The following PACS1 variants were observed in gnomAD, a reference collection of about 807,000 sequenced individuals.
PACS1 encodes the protein PACS-1.
PACS1 carries 24 observed loss-of-function variants against 115.0 expected under a neutral mutation model. That is an observed-to-expected ratio of 0.21 (90% CI 0.15 to 0.29). PACS1 has a LOEUF of 0.29. Among genes scored for constraint, PACS1 ranks in the 10% least tolerant of loss-of-function variants. The probability of loss-of-function intolerance (pLI) is 1.00; values close to 1 mark genes in which losing one functional copy is unlikely to be tolerated. For synonymous variants in PACS1, 453 were observed against 504.5 expected (o/e 0.90, Z 1.37); for missense variants, 838 against 1,251.2 (o/e 0.67, Z 4.98).
chr11:66,163,400 C>T (rs72936614), intron 1 of PACS1, among the ~76,000 whole-genome samples: 6,657 of 151,580 alleles, frequency 0.044, 205 homozygotes, highest in Non-Finnish European at 0.063. Context: ...CTGATGCTGT[C>T]CTATCCCAGT....
At chr11:66,105,997 A>T (rs1179827423) in intron 1 of PACS1, among the ~76,000 whole-genome samples, 1 of 152,212 alleles carries the variant, frequency 6.6e-6, no homozygotes, top group Non-Finnish European at 1.5e-5. Context: ...GGTTTTCTCA[A>T]AGCGTCATTC....
rs1332771674 is a variant in PACS1, at chr11:66,156,273, CAG to C, written c.357-37210_357-37209del. On this transcript the variant is annotated intron_variant, in intron 1 of 23. Coordinates refer to ENST00000320580, the MANE Select transcript of PACS1 (RefSeq NM_018026.4). ...ATATATAGTTTTTTTTTTTTTAAGA[CAG>C]AGTCTTGCTCTGTCCCCCAGGCTGG... 9.6e-5 allele frequency among the ~76,000 whole-genome samples: 12 copies of C among 125,294 alleles called. No individual in the cohort carries two copies. The East Asian group carries it at 2.8e-3, about 29-fold the overall frequency. The allele number at this position is 125,294 out of a possible 152,430, so 82.2% of individuals were successfully genotyped here.
rs746002879 is a variant in PACS1, at chr11:66,219,785, C to T, written c.1018C>T (p.Arg340Trp). 1.9e-5 allele frequency: 30 copies of T among 1,613,394 alleles called. No homozygotes were observed. Among genetic ancestry groups the T allele is most frequent in the Non-Finnish European group, 2.4e-5 (28 of 1,179,484 alleles). Residue 340 changes from arginine to tryptophan, a missense_variant, in exon 8 of 24, where the codon CGG (arginine) becomes TGG (tryptophan). Arg to Trp is a moderately radical substitution (Grantham distance 101, BLOSUM62 -3). Around this residue, in one of 6 missense-constraint regions of PACS1, gnomAD observed 223 missense variants for 354.0 expected, o/e 0.63. Transcript: ENST00000320580. The stretch of plus-strand genomic sequence containing the variant: ...ACAGAAGTTTGTGGCCCTCCTGAAG[C>T]GGTTTAAAGTTTCAGATGAGGTATG... Reference protein sequence around the residue: ...IKQKFVALLKRFKVSDEVGFG... With the variant: ...IKQKFVALLKWFKVSDEVGFG...
intron 1 of PACS1, among the ~76,000 whole-genome samples, chr11:66,187,874 G>A (rs1320309869): frequency 6.6e-6 from 1 of 152,118 alleles, no homozygotes; most frequent in Non-Finnish European, 1.5e-5. Flanking sequence ...GTTTTTTGAA[G>A]GAACCTCCAT....
intron 1 of PACS1, among the ~76,000 whole-genome samples, chr11:66,072,994 T>C (rs1178349691): frequency 6.6e-6 from 1 of 152,222 alleles, no homozygotes; most frequent in Non-Finnish European, 1.5e-5. Context: ...CCTGATCAAA[T>C]GTATAATTAT....
intron 1 of PACS1, among the ~76,000 whole-genome samples, chr11:66,120,597 G>A (rs953890860): frequency 1.3e-5 from 2 of 152,150 alleles, no homozygotes; most frequent in African/African-American, 4.8e-5. Context: ...GTGGTTAAGG[G>A]CATACGCTTT....
intron 1 of PACS1, among the ~76,000 whole-genome samples, chr11:66,187,676 T>C (rs1854415219): frequency 6.6e-6 from 1 of 152,216 alleles, no homozygotes; most frequent in African/African-American, 2.4e-5. Context: ...CCATGGTATG[T>C]GCACACCACA....
At chr11:66,155,480 G>C (rs1232699202) in intron 1 of PACS1, among the ~76,000 whole-genome samples, 1 of 152,088 alleles carries the variant, frequency 6.6e-6, no homozygotes, top group Non-Finnish European at 1.5e-5. Flanking sequence ...GTGGCCAGGA[G>C]CTACATAAAA....
rs1311745791 is a variant in PACS1 at position 66,232,947 on chromosome 11, C to A, written c.1732-13C>A. 2 of 1,599,906 alleles carry A rather than the reference C, an allele frequency of 1.3e-6. No homozygotes were observed. Among genetic ancestry groups the A allele is most frequent in the Non-Finnish European group, 1.7e-6 (2 of 1,168,198 alleles). Reference sequence around the variant, plus strand: ...CTCACCTGTGTCCCTGCTCTCCTCCCTCCCTATCCCAGTATGTGGCTGAGC... The same window carrying A: ...CTCACCTGTGTCCCTGCTCTCCTCCATCCCTATCCCAGTATGTGGCTGAGC... On this transcript the variant is annotated splice_polypyrimidine_tract_variant and intron_variant, in intron 14 of 23. Coordinates refer to ENST00000320580, the MANE Select transcript of PACS1 (RefSeq NM_018026.4).
In PACS1 at chr11:66,074,982, G is replaced by A. The variant is rs1321474976; in HGVS notation, c.356+4140G>A. 1.0e-4 allele frequency among the ~76,000 whole-genome samples: 12 copies of A among 116,110 alleles called. No individual in the cohort carries two copies. The Admixed American group carries it at 1.3e-3, about 12-fold the overall frequency. The allele number at this position is 116,110 out of a possible 152,430, so 76.2% of individuals were successfully genotyped here. A position where few individuals can be genotyped will look rare whatever the true frequency, so the allele number is the denominator to read the frequency against. ...TTTTGAGATGGAGTCTCGCTCTGTCGCCCAGGCTGGAGTGCAGTGGTGCAA... is the reference window on the plus strand; with the variant it reads ...TTTTGAGATGGAGTCTCGCTCTGTCACCCAGGCTGGAGTGCAGTGGTGCAA... On this transcript the variant is annotated intron_variant, in intron 1 of 23. Coordinates refer to ENST00000320580, the MANE Select transcript of PACS1 (RefSeq NM_018026.4).
intron 1 of PACS1, among the ~76,000 whole-genome samples, chr11:66,138,850 T>C (rs1373742173): frequency 6.6e-6 from 1 of 151,918 alleles, no homozygotes; most frequent in Non-Finnish European, 1.5e-5. Flanking sequence ...GCCCAGCTAA[T>C]TTTTGTATTT....
intron 1 of PACS1, among the ~76,000 whole-genome samples, chr11:66,176,832 C>T (rs1859875746): frequency 1.3e-5 from 2 of 152,064 alleles, no homozygotes; most frequent in Admixed American, 1.3e-4. Context: ...AGGTGAGCTC[C>T]GACTCATCCT....
At chr11:66,160,604 C>T (rs1859464515) in intron 1 of PACS1, among the ~76,000 whole-genome samples, 1 of 151,226 alleles carries the variant, frequency 6.6e-6, no homozygotes, top group Non-Finnish European at 1.5e-5. Flanking sequence ...TCGAGTGATT[C>T]TCCCACCTCA....
At chr11:66,135,344 G>A (rs979852876) in intron 1 of PACS1, among the ~76,000 whole-genome samples, 2 of 152,188 alleles carry the variant, frequency 1.3e-5, no homozygotes, top group African/African-American at 4.8e-5. Context: ...AGAGAAATTA[G>A]AAGCCACGCT....
chr11:66,219,812 C>T lies in PACS1; in HGVS notation c.1038+7C>T. ...GTTTAAAGTTTCAGATGAGGTATGGCCTCTTACTCCCAAGGTTAATGGTGA... is the reference window on the plus strand; with the variant it reads ...GTTTAAAGTTTCAGATGAGGTATGGTCTCTTACTCCCAAGGTTAATGGTGA... On this transcript the variant is annotated splice_region_variant and intron_variant, in intron 8 of 23. Coordinates refer to ENST00000320580, the MANE Select transcript of PACS1 (RefSeq NM_018026.4). 6.2e-7 allele frequency: 1 copy of T among 1,600,018 alleles called. No homozygotes were observed. The highest frequency in any genetic ancestry group is 8.6e-7 in the Non-Finnish European group (1 of 1,167,216).
At chr11:66,113,285 T>G (rs1177689176) in intron 1 of PACS1, among the ~76,000 whole-genome samples, 1 of 152,248 alleles carries the variant, frequency 6.6e-6, no homozygotes, top group Non-Finnish European at 1.5e-5. Flanking sequence ...GACTTTTCTT[T>G]TAATTTCCAG....
chr11:66,095,431 T>TGAAC (rs1363330843), intron 1 of PACS1, among the ~76,000 whole-genome samples: 1 of 152,116 alleles, frequency 6.6e-6, no homozygotes, highest in Non-Finnish European at 1.5e-5. Flanking sequence ...AAATCATGAG[T>TGAAC]GAACTCCCAT....
chr11:66,186,369 GGCAGACCAA>G (rs1314863618), intron 1 of PACS1, among the ~76,000 whole-genome samples: 1 of 151,858 alleles, frequency 6.6e-6, no homozygotes, highest in East Asian at 1.9e-4. Flanking sequence ...CTGTTTCACA[GGCAGACCAA>G]GCATGCAGCC....
intron 1 of PACS1, among the ~76,000 whole-genome samples, chr11:66,100,349 G>C (rs576599376): frequency 8.5e-5 from 13 of 152,150 alleles, no homozygotes; most frequent in African/African-American, 2.4e-4. Flanking sequence ...TTACTTATTT[G>C]CTCCTTGTAA....
Sources: allele counts gnomAD v4.1 joint callset (sites outside exome capture counted in the v4.1 genomes callset), GRCh38; gene constraint gnomAD v4.1.1; regional missense constraint gnomAD v4.1.1; transcripts MANE v1.5; gene names NCBI Gene and HGNC (gene_info 2026-07-23, HGNC 2026-07-21).